The following PITPNM2 variants were observed in gnomAD, a reference collection of about 807,000 sequenced individuals.
PITPNM2 encodes membrane-associated phosphatidylinositol transfer protein 2.
PITPNM2 carries 35 observed loss-of-function variants against 132.2 expected under a neutral mutation model. The ratio of observed to expected loss-of-function variants is 0.26; its 90% CI spans 0.20 to 0.35. The LOEUF is 0.35. Among genes scored for constraint, PITPNM2 ranks in the 10% least tolerant of loss-of-function variants. The pLI is 1.00. For synonymous variants in PITPNM2, 738 were observed against 799.2 expected, an observed-to-expected ratio of 0.92 and a Z score of 1.29; for missense variants, 1,332 against 1,912.0, an observed-to-expected ratio of 0.70 and a Z score of 5.66.
In PITPNM2 at chr12:122,988,147, T is replaced by C; in HGVS notation, c.2997+87A>G. Reference sequence around the variant, plus strand: ...TGGGAAGGTACATAAGACTGCAGGCTTCCCTGCAACTCAGTTTCCTCATCT... The same window carrying C: ...TGGGAAGGTACATAAGACTGCAGGCCTCCCTGCAACTCAGTTTCCTCATCT... On this transcript the variant is annotated intron_variant, in intron 20 of 25. Transcript: ENST00000320201. 7 of 1,184,808 alleles carry C rather than the reference T, an allele frequency of 5.9e-6. No individual in the cohort carries two copies. In the South Asian group the frequency reaches 9.0e-5, roughly 15 times the overall value. The allele number at this position is 1,184,808 out of a possible 1,614,324, so 73.4% of individuals were successfully genotyped here. A position where few individuals can be genotyped will look rare whatever the true frequency, so the allele number is the denominator to read the frequency against.
intron 1 of PITPNM2, among the ~76,000 whole-genome samples, chr12:123,136,314 T>A (rs911187946): frequency 6.6e-6 from 1 of 150,852 alleles, no homozygotes; most frequent in Non-Finnish European, 1.5e-5. Flanking sequence ...AAAAAAAAAA[T>A]TAAACTCATT....
rs1333996166 is a variant in PITPNM2 at position 123,009,785 on chromosome 12, C to T, written c.643+65G>A. 4 of 1,420,104 alleles carry T rather than the reference C, an allele frequency of 2.8e-6. No homozygotes were observed. Among genetic ancestry groups the T allele is most frequent in the Non-Finnish European group, 4.0e-6 (4 of 1,007,456 alleles). 88.0% of individuals were successfully genotyped at this position (1,420,104 alleles called of 1,614,324 possible). ...CATGCAAAGAGAGGAGGCAGACAGGCAGGTGACAGGAGACAGAGGGGTTGG... is the reference window on the plus strand; with the variant it reads ...CATGCAAAGAGAGGAGGCAGACAGGTAGGTGACAGGAGACAGAGGGGTTGG... On this transcript the variant is annotated intron_variant, in intron 6 of 25. Transcript: ENST00000320201. The surrounding 1 kb of genome is among the most constrained non-coding windows in gnomAD (Gnocchi z 4.8).
chr12:123,114,524 A>G (rs1233129891), intron 1 of PITPNM2, among the ~76,000 whole-genome samples: 1 of 150,530 alleles, frequency 6.6e-6, no homozygotes, highest in Non-Finnish European at 1.5e-5. Context: ...AAATGAGCAC[A>G]GTCCAAGTGC....
At position 123,077,955 on chromosome 12, in the gene PITPNM2, C is replaced by T. The variant is rs371756774; in HGVS notation, c.-96+32430G>A. Among the ~76,000 whole-genome samples, 4 of 152,166 alleles carry T rather than the reference C, an allele frequency of 2.6e-5. No homozygotes were observed. The highest frequency in any genetic ancestry group is 7.2e-5 in the African/African-American group (3 of 41,424). ...CGGCCTCAGGGGGCCGCCCCCAGCA[C>T]GCAGCTCTCCCAGCAGCCCATGCCT... On this transcript the variant is annotated intron_variant, in intron 2 of 25. Coordinates refer to ENST00000320201, the MANE Select transcript of PITPNM2 (RefSeq NM_020845.3). This position sits in a 1 kb window ranked among gnomAD's most constrained non-coding sequence, Gnocchi z 4.8.
intron 2 of PITPNM2, among the ~76,000 whole-genome samples, chr12:123,070,840 G>A (rs1184153231): frequency 7.2e-5 from 11 of 152,198 alleles, no homozygotes; most frequent in East Asian, 1.9e-4. Flanking sequence ...GCCCCTTCGC[G>A]CATCTGCCCA....
At chr12:123,021,668 G>A in intron 3 of PITPNM2, 9 of 985,230 alleles carry the variant, frequency 9.1e-6, no homozygotes, top group Non-Finnish European at 1.1e-5. Flanking sequence ...AGGATGTGGG[G>A]CATGGAGTTT....
In PITPNM2 at chr12:123,036,409, A is replaced by G. The variant is rs1324810291; in HGVS notation, c.-95-1724T>C. Among the ~76,000 whole-genome samples the G allele has an allele frequency of 6.6e-6, 1 of 152,176 alleles. No homozygotes were observed. The highest frequency in any genetic ancestry group is 2.4e-5 in the African/African-American group (1 of 41,436). ...AGGTAGGAACGTCAGCCCGAAGCCC[A>G]TTCAAATTCTCACATCCATCCTGGC... is the stretch of plus-strand genomic sequence containing the variant. On this transcript the variant is annotated intron_variant, in intron 2 of 25. Coordinates refer to ENST00000320201, the MANE Select transcript of PITPNM2 (RefSeq NM_020845.3). The surrounding 1 kb of genome is among the most constrained non-coding windows in gnomAD (Gnocchi z 4.1).
chr12:123,028,706 C>T (rs189339979), intron 3 of PITPNM2, among the ~76,000 whole-genome samples: 28 of 152,312 alleles, frequency 1.8e-4, no homozygotes, highest in African/African-American at 6.0e-4. Flanking sequence ...TTCTGACGTA[C>T]GTTCACACTT....
chr12:122,998,683 C>T (rs1031395396), intron 10 of PITPNM2, among the ~76,000 whole-genome samples: 11 of 151,894 alleles, frequency 7.2e-5, no homozygotes, highest in African/African-American at 2.7e-4. Flanking sequence ...GACCAAGGAG[C>T]CAAAGCCATC....
At chr12:123,038,507 T>C (rs2040354547) in intron 2 of PITPNM2, among the ~76,000 whole-genome samples, 1 of 152,194 alleles carries the variant, frequency 6.6e-6, no homozygotes, top group Non-Finnish European at 1.5e-5. Flanking sequence ...ATGAGTGTCA[T>C]GAAAACAAGA....
chr12:123,056,718 C>G (rs932299203), intron 2 of PITPNM2, among the ~76,000 whole-genome samples: 1 of 152,216 alleles, frequency 6.6e-6, no homozygotes, highest in Non-Finnish European at 1.5e-5. Context: ...CCGGGATGCC[C>G]CAGGCCAGGG....
chr12:123,095,999 G>A lies in PITPNM2; in HGVS notation c.-96+14386C>T, dbSNP rs2042401049. 6.6e-6 allele frequency among the ~76,000 whole-genome samples: 1 copy of A among 152,220 alleles called. No individual in the cohort carries two copies. Among genetic ancestry groups the A allele is most frequent in the Non-Finnish European group, 1.5e-5 (1 of 68,032 alleles). ...TGAGAGCTCCTTGAGAGTGGGGGCT[G>A]GAATTGATTCACTTCTGCAGCCCTG... On this transcript the variant is annotated intron_variant, in intron 2 of 25. Transcript: ENST00000320201. This position sits in a 1 kb window ranked among gnomAD's most constrained non-coding sequence, Gnocchi z 5.0.
chr12:123,097,694 G>T lies in PITPNM2; in HGVS notation c.-96+12691C>A, dbSNP rs546443001. Among the ~76,000 whole-genome samples the T allele has an allele frequency of 2.0e-5, 3 of 152,328 alleles. No homozygotes were observed. The East Asian group carries it at 5.8e-4, about 29-fold the overall frequency. On this transcript the variant is annotated intron_variant, in intron 2 of 25. Transcript: ENST00000320201. This position sits in a 1 kb window ranked among gnomAD's most constrained non-coding sequence, Gnocchi z 4.7. ...GCCTGCCTGTCTGCCTTCCACTGGG[G>T]TTTTTCAATCTGTGCCTATATTTAT...
chr12:123,065,896 C>G (rs1356747209), intron 2 of PITPNM2, among the ~76,000 whole-genome samples: 2 of 152,198 alleles, frequency 1.3e-5, no homozygotes, highest in Non-Finnish European at 2.9e-5. Context: ...TCCTGGACAG[C>G]AGAGACTTCT....
At chr12:122,997,050 G>C (rs996666676) in intron 11 of PITPNM2, 140 bp from the exon 12 acceptor site, 1 of 983,864 alleles carries the variant, frequency 1.0e-6, no homozygotes, top group African/African-American at 1.6e-5. Flanking sequence ...GATAGGCTTG[G>C]GGGACCAGGG....
At chr12:122,996,665 G>C in intron 12 of PITPNM2, 56 bp downstream of exon 12, 1 of 1,611,312 alleles carries the variant, frequency 6.2e-7, no homozygotes, top group South Asian at 1.1e-5. Context: ...CCTGAGGCCA[G>C]CCCGCCCTAC....
chr12:123,003,563 C>T (rs2038789154), intron 8 of PITPNM2, among the ~76,000 whole-genome samples: 1 of 152,236 alleles, frequency 6.6e-6, no homozygotes, highest in African/African-American at 2.4e-5. Flanking sequence ...TGGACACTGA[C>T]TCCCCAGGTT....
At chr12:123,112,438 G>T (rs967387769) in intron 1 of PITPNM2, among the ~76,000 whole-genome samples, 3 of 152,132 alleles carry the variant, frequency 2.0e-5, no homozygotes, top group African/African-American at 7.2e-5. Flanking sequence ...GTCCTGGAGG[G>T]GAGCAGGGCA....
At chr12:123,035,220 A>C (rs1237264199) in intron 2 of PITPNM2, among the ~76,000 whole-genome samples, 1 of 152,252 alleles carries the variant, frequency 6.6e-6, no homozygotes, top group African/African-American at 2.4e-5. Flanking sequence ...CAATCCAATA[A>C]GAAACATTTA....
Sources: allele counts gnomAD v4.1 joint callset (sites outside exome capture counted in the v4.1 genomes callset), GRCh38; gene constraint gnomAD v4.1.1; non-coding constraint Gnocchi (gnomAD v3.1); transcripts MANE v1.5; gene names NCBI Gene and HGNC (gene_info 2026-07-23, HGNC 2026-07-21).